The following SEC31A variants were observed in gnomAD, a reference collection of about 807,000 sequenced individuals.
SEC31A encodes protein transport protein Sec31A.
A neutral mutation model predicts 151.0 loss-of-function variants in SEC31A; 70 were observed. The ratio of observed to expected loss-of-function variants is 0.46; its 90% CI spans 0.38 to 0.57. The LOEUF (loss-of-function observed/expected upper bound fraction) is 0.57. SEC31A is among the 20% of genes least tolerant of loss of function. The pLI is 0.00. For missense variants in SEC31A, 1,330 were observed against 1,471.2 expected, an observed-to-expected ratio of 0.90 and a Z score of 1.57; for synonymous variants, 475 against 505.9, an observed-to-expected ratio of 0.94 and a Z score of 0.82.
intron 20 of SEC31A, 87 bp downstream of exon 20, chr4:82,848,717 A>G: frequency 8.9e-7 from 1 of 1,124,922 alleles, no homozygotes. Context: ...ACCATATCAG[A>G]GAAGGTCTCC....
chr4:82,824,166 C>A (rs1281960213), intron 25 of SEC31A, among the ~76,000 whole-genome samples: 1 of 152,112 alleles, frequency 6.6e-6, no homozygotes, highest in Non-Finnish European at 1.5e-5. Context: ...GGACTTCAAA[C>A]AATAATTATA....
chr4:82,849,006 G>A, intron 19 of SEC31A, 29 bp from the exon 20 acceptor site: 1 of 1,598,912 alleles, frequency 6.3e-7, no homozygotes. Context: ...ACAGCAGACT[G>A]TTGAGAGTTC....
intron 7 of SEC31A, chr4:82,871,261 T>C (rs538758626): frequency 7.4e-7 from 1 of 1,347,654 alleles, no homozygotes; most frequent in Non-Finnish European, 9.7e-7. Context: ...TCTAACTATA[T>C]GCACAAATTA....
upstream of SEC31A, chr4:82,891,278 C>A: frequency 8.7e-7 from 1 of 1,146,508 alleles, no homozygotes. Flanking sequence ...CCACCCGACG[C>A]ACAGCCCGCC....
At chr4:82,828,660 G>A (rs1210980427) in intron 23 of SEC31A, among the ~76,000 whole-genome samples, 3 of 26,094 alleles carry the variant, frequency 1.1e-4, no homozygotes, top group African/African-American at 3.5e-4. Flanking sequence ...AGAACCCAAA[G>A]ACCAAAGTAA....
chr4:82,876,666 G>A (rs1294053259), intron 4 of SEC31A, among the ~76,000 whole-genome samples: 1 of 152,116 alleles, frequency 6.6e-6, no homozygotes, highest in Non-Finnish European at 1.5e-5. Flanking sequence ...TCTTATTCCA[G>A]GTGGCAATAT....
rs1734413657 is a variant in SEC31A, at chr4:82,862,465, T to C, written c.1548+69A>G. 6.1e-6 allele frequency: 7 copies of C among 1,145,792 alleles called. No individual in the cohort carries two copies. The East Asian group carries it at 7.1e-5, about 12-fold the overall frequency. 71.0% of individuals were successfully genotyped at this position (1,145,792 alleles called of 1,614,324 possible). ...AAGCATAAAACACAAATTTCTTAAA[T>C]GATATTTCCTTCTTCGTTATGACCT... On this transcript the variant is annotated intron_variant, in intron 13 of 26. Transcript: ENST00000395310.
intron 6 of SEC31A, among the ~76,000 whole-genome samples, chr4:82,874,057 T>C (rs1178419722): frequency 6.6e-6 from 1 of 152,018 alleles, no homozygotes; most frequent in Non-Finnish European, 1.5e-5. Context: ...CCCAGCACTT[T>C]GGGAGGCCGA....
chr4:82,881,969 C>T, intron 1 of SEC31A, 29 bp from the exon 2 acceptor site: 1 of 1,544,122 alleles, frequency 6.5e-7, no homozygotes, highest in East Asian at 2.2e-5. Context: ...ACAGAAACAG[C>T]CTTGAATGAC....
chr4:82,822,541 T>C (rs1486385155), intron 25 of SEC31A, among the ~76,000 whole-genome samples: 11 of 152,192 alleles, frequency 7.2e-5, no homozygotes, highest in African/African-American at 2.4e-4. Context: ...TCAAGGATGC[T>C]ACATACCAAG....
intron 23 of SEC31A, 21 bp downstream of exon 23, chr4:82,828,979 A>G (rs1560585549): frequency 6.2e-7 from 1 of 1,605,748 alleles, no homozygotes; most frequent in Admixed American, 1.7e-5. Flanking sequence ...AGGCCATTGG[A>G]TGGACATCTT....
intron 13 of SEC31A, 72 bp from the exon 14 acceptor site, chr4:82,861,780 G>T: frequency 2.1e-6 from 2 of 975,346 alleles, no homozygotes; most frequent in South Asian, 3.2e-5. Flanking sequence ...GAACCAGGAA[G>T]ACAAAAGACC....
intron 3 of SEC31A, among the ~76,000 whole-genome samples, chr4:82,897,466 AGAGTT>A (rs1720111957): frequency 6.6e-6 from 1 of 152,354 alleles, no homozygotes; most frequent in African/African-American, 2.4e-5. Flanking sequence ...CTGCTTTCAT[AGAGTT>A]ATTATGAGAA....
At chr4:82,837,440 G>T (rs1176451697) in intron 22 of SEC31A, among the ~76,000 whole-genome samples, 1 of 151,642 alleles carries the variant, frequency 6.6e-6, no homozygotes, top group Non-Finnish European at 1.5e-5. Flanking sequence ...TCTCACTGCC[G>T]CCTAGGTGCG....
At chr4:82,824,745 T>C (rs962492408) in intron 24 of SEC31A, 71 bp from the exon 25 acceptor site, 25 of 1,536,094 alleles carry the variant, frequency 1.6e-5, no homozygotes, top group African/African-American at 9.8e-5. Flanking sequence ...CTTGAATCTA[T>C]GTGATAAACA....
rs1476028024 is a variant in SEC31A at position 82,855,026 on chromosome 4, T to C, written c.1885A>G (p.Ile629Val). 1.3e-6 allele frequency: 2 copies of C among 1,593,082 alleles called. No individual in the cohort carries two copies. The highest frequency in any genetic ancestry group is 1.7e-4 in the Middle Eastern group (1 of 6,000). The change falls in exon 17 of 27, where the codon ATC becomes GTC. Residue 629 changes from isoleucine to valine, a missense_variant. Physicochemically the swap from Ile to Val is conservative, Grantham distance 29. Coordinates refer to ENST00000395310, the MANE Select transcript of SEC31A (RefSeq NM_001077207.4). ...CAGTTCTTCATCACCACTGCAGTGA[T>C]GAGCTTGAGAAACGAAAACAAAGGA... ...AKSQSKITRL[I>V]TAVVMKNWKE...
At chr4:82,865,521 A>AT (rs1735107306) in intron 10 of SEC31A, among the ~76,000 whole-genome samples, 1 of 132,442 alleles carries the variant, frequency 7.6e-6, no homozygotes, top group African/African-American at 2.6e-5. Flanking sequence ...AAATGAATGG[A>AT]TAAAAAAAAA....
chr4:82,822,072 C>A (rs750520780), intron 25 of SEC31A, among the ~76,000 whole-genome samples: 1 of 152,080 alleles, frequency 6.6e-6, no homozygotes, highest in Non-Finnish European at 1.5e-5. Flanking sequence ...AGAAACTATT[C>A]TAAAACTAAA....
chr4:82,835,445 T>C (rs1373462730), intron 22 of SEC31A, among the ~76,000 whole-genome samples: 2 of 152,232 alleles, frequency 1.3e-5, no homozygotes, highest in Admixed American at 1.3e-4. Flanking sequence ...TCTTTTACTC[T>C]TTTTAAAACA....
Sources: gnomAD v4.1 joint callset for allele counts (sites outside exome capture counted in the v4.1 genomes callset) on GRCh38, gnomAD v4.1.1 for gene constraint, MANE v1.5 for transcripts, NCBI Gene and HGNC (gene_info 2026-07-23, HGNC 2026-07-21) for gene names.